The following NDRG2 variants were observed in gnomAD, a reference collection of about 807,000 sequenced individuals.
NDRG2 encodes the protein protein NDRG2.
Under a neutral mutation model 58.2 loss-of-function variants are expected in NDRG2, and 34 were observed. The observed-to-expected ratio is 0.58, with a 90% CI of 0.44 to 0.78. The LOEUF is 0.78. NDRG2 is among the 30% of genes least tolerant of loss of function. The probability of loss-of-function intolerance (pLI) is 0.00; values close to 1 mark genes in which losing one functional copy is unlikely to be tolerated. For synonymous variants in NDRG2, 187 were observed against 175.9 expected (o/e 1.06, Z -0.50); for missense variants, 434 against 471.2 (o/e 0.92, Z 0.73).
intron 1 of NDRG2, among the ~76,000 whole-genome samples, chr14:21,062,339 C>T (rs1409710803): frequency 2.0e-5 from 3 of 152,168 alleles, no homozygotes; most frequent in African/African-American, 4.8e-5. Flanking sequence ...GGGAGGGAAG[C>T]TCAAGGCTCA....
chr14:21,037,000 C>T (rs1451865207), intron 1 of NDRG2, among the ~76,000 whole-genome samples: 1 of 152,234 alleles, frequency 6.6e-6, no homozygotes, highest in Non-Finnish European at 1.5e-5. Context: ...TGCCTTGAAT[C>T]ATGCCACCTC....
At chr14:21,059,742 C>G (rs1161254797) in intron 1 of NDRG2, among the ~76,000 whole-genome samples, 2 of 152,124 alleles carry the variant, frequency 1.3e-5, no homozygotes, top group Non-Finnish European at 2.9e-5. Context: ...TCAAGCGATC[C>G]CTCAACTCCT....
Position 21,024,502 on chromosome 14 carries a change from C to G in NDRG2, c.-479G>C. 1.0e-6 allele frequency: 1 copy of G among 984,992 alleles called. No homozygotes were observed. Among genetic ancestry groups the G allele is most frequent in the South Asian group, 4.7e-5 (1 of 21,278 alleles). 61.0% of individuals were successfully genotyped at this position (984,992 alleles called of 1,614,324 possible). A position where few individuals can be genotyped will look rare whatever the true frequency, so the allele number is the denominator to read the frequency against. On this transcript the variant is annotated 5_prime_UTR_variant, in exon 1 of 16. Coordinates refer to ENST00000556147, the MANE Select transcript of NDRG2 (RefSeq NM_001320329.2). ...AGGGGATCCCCAAAATTTTTGACAGCTCTCCAGTAAGAGGAGGGTAGCAGA... is the reference window on the plus strand; with the variant it reads ...AGGGGATCCCCAAAATTTTTGACAGGTCTCCAGTAAGAGGAGGGTAGCAGA...
rs1165999296 is a variant in NDRG2, at chr14:21,016,909, G to A, written c.*687C>T. ...CCAAGCCCCAAGCAGCCCAGCCCAAGCTTAGCTCCCTCCCCAGTCCCACTC... is the reference window on the plus strand; with the variant it reads ...CCAAGCCCCAAGCAGCCCAGCCCAAACTTAGCTCCCTCCCCAGTCCCACTC... On this transcript the variant is annotated 3_prime_UTR_variant, in exon 16 of 16. Transcript: ENST00000556147. 2.2e-6 allele frequency: 1 copy of A among 456,470 alleles called. No individual in the cohort carries two copies. The highest frequency in any genetic ancestry group is 2.0e-5 in the African/African-American group (1 of 50,030). 28.3% of individuals were successfully genotyped at this position (456,470 alleles called of 1,614,324 possible). A position where few individuals can be genotyped will look rare whatever the true frequency, so the allele number is the denominator to read the frequency against.
chr14:21,057,842 C>A, intron 1 of NDRG2: 2 of 1,503,706 alleles, frequency 1.3e-6, no homozygotes, highest in Non-Finnish European at 1.8e-6. Context: ...CCATGATGAC[C>A]TATTCATCCA....
In NDRG2 at chr14:21,034,036, A is replaced by T. The variant is rs754930180; in HGVS notation, c.25-10715T>A. ...CAGAAGCTGTCACTATACTTGCAGA[A>T]CTTCTGGATGGCCTTCCAAGGGGCA... is the stretch of plus-strand genomic sequence containing the variant. On this transcript the variant is annotated intron_variant, in intron 1 of 14. Coordinates refer to the NDRG2 transcript ENST00000403829. The T allele has an allele frequency of 1.3e-5, 21 of 1,614,112 alleles. No individual in the cohort carries two copies. In the South Asian group the frequency reaches 2.1e-4, roughly 16 times the overall value.
In NDRG2 at chr14:21,017,056, T is replaced by C. The variant is rs1209009400; in HGVS notation, c.*540A>G. 2 of 453,974 alleles carry C rather than the reference T, an allele frequency of 4.4e-6. No homozygotes were observed. The highest frequency in any genetic ancestry group is 4.0e-5 in the African/African-American group (2 of 50,028). The allele number at this position is 453,974 out of a possible 1,614,324, so 28.1% of individuals were successfully genotyped here. Reference sequence around the variant, plus strand: ...CCCGCCAACTCCCATTCCAACTTCCTTTTTACACTGGATGTTTCTATCACA... The same window carrying C: ...CCCGCCAACTCCCATTCCAACTTCCCTTTTACACTGGATGTTTCTATCACA... On this transcript the variant is annotated 3_prime_UTR_variant, in exon 16 of 16. Coordinates refer to ENST00000556147, the MANE Select transcript of NDRG2 (RefSeq NM_001320329.2).
chr14:21,021,995 G>A, intron 5 of NDRG2, 67 bp downstream of exon 5: 1 of 1,612,520 alleles, frequency 6.2e-7, no homozygotes. Flanking sequence ...CTCCTCCCCA[G>A]TCGAACCTTT....
upstream of NDRG2, chr14:21,025,322 G>A: frequency 1.0e-6 from 1 of 974,842 alleles, no homozygotes; most frequent in Non-Finnish European, 1.2e-6. The surrounding 1 kb of genome is among the most constrained non-coding windows in gnomAD (Gnocchi z 5.1). Context: ...TTGGGGCGGT[G>A]TGGGGAGTGC....
intron 1 of NDRG2, among the ~76,000 whole-genome samples, chr14:21,069,956 C>T (rs1212691087): frequency 1.3e-5 from 2 of 152,288 alleles, no homozygotes; most frequent in East Asian, 3.9e-4. Context: ...CATCCCTTGC[C>T]GAGGCTAAAC....
intron 1 of NDRG2, 170 bp downstream of exon 1, chr14:21,023,860 A>T: frequency 1.7e-6 from 1 of 604,966 alleles, no homozygotes; most frequent in Non-Finnish European, 2.1e-6. Context: ...TGGGGAAAAC[A>T]ACATAAAAGG....
intron 1 of NDRG2, among the ~76,000 whole-genome samples, chr14:21,045,239 T>C (rs1301092314): frequency 6.6e-6 from 1 of 152,054 alleles, no homozygotes; most frequent in Non-Finnish European, 1.5e-5. Context: ...AGCCAGGTTG[T>C]CTGAGATGAT....
intron 1 of NDRG2, among the ~76,000 whole-genome samples, chr14:21,039,549 T>C (rs2139106342): frequency 6.6e-6 from 1 of 152,318 alleles, no homozygotes; most frequent in Middle Eastern, 3.4e-3. Flanking sequence ...TCTTTTTCTG[T>C]TGCCCCATGA....
At chr14:21,042,276 C>G (rs1249509845) in intron 1 of NDRG2, 1 of 152,516 alleles carries the variant, frequency 6.6e-6, no homozygotes, top group East Asian at 1.9e-4. Context: ...ATTTCCTGAT[C>G]CAGTGATGCT....
At position 21,023,622 on chromosome 14, in the gene NDRG2, T is replaced by G. The variant is rs1462874487; in HGVS notation, c.-6-301A>C. 2.2e-5 allele frequency: 8 copies of G among 367,246 alleles called. No individual in the cohort carries two copies. In the East Asian group the frequency reaches 3.9e-4, roughly 18 times the overall value. 22.7% of individuals were successfully genotyped at this position (367,246 alleles called of 1,614,324 possible). On this transcript the variant is annotated intron_variant, in intron 1 of 15. Coordinates refer to ENST00000556147, the MANE Select transcript of NDRG2 (RefSeq NM_001320329.2). ...TCTGCCCTGGACCAAAATACCAGGGTGGGGCAGAAGTGTAGCTCAGATTTC... is the reference window on the plus strand; with the variant it reads ...TCTGCCCTGGACCAAAATACCAGGGGGGGGCAGAAGTGTAGCTCAGATTTC...
chr14:21,033,264 G>A, intron 1 of NDRG2: 2 of 318,236 alleles, frequency 6.3e-6, no homozygotes, highest in South Asian at 2.6e-5. Context: ...ATTTCACAGA[G>A]AGAAGCAGGC....
chr14:21,034,219 T>C (rs369283355), intron 1 of NDRG2: 4 of 1,614,134 alleles, frequency 2.5e-6, no homozygotes, highest in Admixed American at 1.7e-5. Context: ...ATCTGCATCT[T>C]GATGTCCATG....
chr14:21,026,457 C>G (rs1883640795), upstream of NDRG2, among the ~76,000 whole-genome samples: 1 of 150,748 alleles, frequency 6.6e-6, no homozygotes, highest in African/African-American at 2.4e-5. Flanking sequence ...ACCGACTGCC[C>G]CCCCAAGACC....
rs148667885 is a variant in NDRG2, at chr14:21,055,658, G to A, written c.24+15170C>T. 4.0e-3 allele frequency among the ~76,000 whole-genome samples: 617 copies of A among 152,350 alleles called. 3 individuals are homozygous for A. Among genetic ancestry groups the A allele is most frequent in the Middle Eastern group, 0.01 (3 of 294 alleles). ...CGTATTTGGAATCAGAGCTTGCAAA[G>A]TCTCTGGTCAGTCATCTTGGTTGGC... On this transcript the variant is annotated intron_variant, in intron 1 of 14. Transcript: ENST00000403829.
Sources: allele counts gnomAD v4.1 joint callset (sites outside exome capture counted in the v4.1 genomes callset), GRCh38; gene constraint gnomAD v4.1.1; non-coding constraint Gnocchi (gnomAD v3.1); transcripts MANE v1.5; gene names NCBI Gene and HGNC (gene_info 2026-07-23, HGNC 2026-07-21).